MIIP: variants seen among roughly 807,000 people sequenced by gnomAD.
MIIP encodes migration and invasion inhibitory protein.
In MIIP, 44 loss-of-function variants were observed where a neutral mutation model predicts 44.8. The ratio of observed to expected loss-of-function variants is 0.98; its 90% CI spans 0.77 to 1.26. The LOEUF (loss-of-function observed/expected upper bound fraction) is 1.26, where lower values mean the gene tolerates loss of function less well. MIIP is among the 50% of genes most tolerant of loss of function. The probability of loss-of-function intolerance (pLI) is 0.00; values close to 1 mark genes in which losing one functional copy is unlikely to be tolerated. For synonymous variants in MIIP, 225 were observed against 218.3 expected (o/e 1.03, Z -0.27); for missense variants, 496 against 511.7 (o/e 0.97, Z 0.30).
At chr1:12,029,186 C>CCATCCCCCGGCCTGCT in intron 5 of MIIP, 37 bp from the exon 6 acceptor site, 2 of 1,613,452 alleles carry the variant, frequency 1.2e-6, no homozygotes, top group Non-Finnish European at 1.7e-6. Flanking sequence ...CTGAGCGGCT[C>CCATCCCCCGGCCTGCT]CATCCCCCGG....
Position 12,021,634 on chromosome 1 carries a change from C to G in MIIP, c.-82-11C>G. ...CCTACTGAGCCCCGTGTCCTGCTGT[C>G]TTGACTTCAGGTAGAAGAGCTGGGC... On this transcript the variant is annotated splice_polypyrimidine_tract_variant and intron_variant, in intron 1 of 9. Transcript: ENST00000235332. 2 of 1,147,556 alleles carry G rather than the reference C, an allele frequency of 1.7e-6. No individual in the cohort carries two copies. The highest frequency in any genetic ancestry group is 2.5e-6 in the Non-Finnish European group (2 of 786,524). 71.1% of individuals were successfully genotyped at this position (1,147,556 alleles called of 1,614,324 possible). A position where few individuals can be genotyped will look rare whatever the true frequency, so the allele number is the denominator to read the frequency against.
intron 3 of MIIP, 35 bp downstream of exon 3, chr1:12,022,477 G>A: frequency 6.9e-7 from 1 of 1,454,286 alleles, no homozygotes; most frequent in East Asian, 2.5e-5. Flanking sequence ...GCTGATGGGA[G>A]GAGCTTCCTT....
chr1:12,027,371 T>G (rs1640125304), intron 4 of MIIP, among the ~76,000 whole-genome samples: 1 of 152,216 alleles, frequency 6.6e-6, no homozygotes, highest in South Asian at 2.1e-4. Context: ...GGCCCTCAGT[T>G]GGGTCATCAG....
chr1:12,030,203 G>A, intron 8 of MIIP, 79 bp downstream of exon 8: 1 of 1,393,718 alleles, frequency 7.2e-7, no homozygotes, highest in East Asian at 2.3e-5. Flanking sequence ...GAGGGTCACA[G>A]AGCGAGACTG....
chr1:12,029,534 TGCTGGTGGGACTCCATCCCAGCTCCTGA>T, intron 6 of MIIP: 1 of 691,060 alleles, frequency 1.4e-6, no homozygotes, highest in Non-Finnish European at 2.4e-6. Context: ...AGTGCCCCTG[TGCTGGTGGGACTCCATCCCAGCTCCTGA>T]GGGCCCCAGG....
Position 12,031,249 on chromosome 1 carries a change from C to T in MIIP, c.943-17C>T, listed in dbSNP as rs758019918. 2.5e-6 allele frequency: 4 copies of T among 1,610,384 alleles called. No individual in the cohort carries two copies. The highest frequency in any genetic ancestry group is 1.1e-5 in the South Asian group (1 of 90,540). On this transcript the variant is annotated splice_polypyrimidine_tract_variant and intron_variant, in intron 8 of 9. Coordinates refer to ENST00000235332, the MANE Select transcript of MIIP (RefSeq NM_021933.4). ...CTTGTCCCAGGTCAGGCACTTTTAACTCCTTGCCTTCCACAGCACTGCCTG... is the reference window on the plus strand; with the variant it reads ...CTTGTCCCAGGTCAGGCACTTTTAATTCCTTGCCTTCCACAGCACTGCCTG...
intron 5 of MIIP, 31 bp from the exon 6 acceptor site, chr1:12,029,192 C>T (rs763541031): frequency 8.7e-6 from 14 of 1,613,438 alleles, no homozygotes; most frequent in Non-Finnish European, 1.2e-5. Flanking sequence ...GGCTCCATCC[C>T]CCGGCCTGCT....
At chr1:12,031,132 T>C in intron 8 of MIIP, 134 bp from the exon 9 acceptor site, 1 of 1,096,004 alleles carries the variant, frequency 9.1e-7, no homozygotes, top group Non-Finnish European at 1.3e-6. Flanking sequence ...GGTAGTCTTG[T>C]GGGTAGACAC....
At chr1:12,028,632 T>A in intron 4 of MIIP, 1 of 175,624 alleles carries the variant, frequency 5.7e-6, no homozygotes, top group Admixed American at 5.6e-5. Context: ...GACGCTGCTC[T>A]CTTGCTTTCT....
intron 4 of MIIP, among the ~76,000 whole-genome samples, chr1:12,027,077 C>A (rs1468560906): frequency 6.9e-6 from 1 of 145,294 alleles, no homozygotes; most frequent in Non-Finnish European, 1.5e-5. Context: ...GCAGTGATCT[C>A]AGCTCACTGC....
intron 1 of MIIP, among the ~76,000 whole-genome samples, chr1:12,021,400 A>C (rs1027148876): frequency 3.3e-5 from 5 of 152,056 alleles, no homozygotes; most frequent in African/African-American, 1.2e-4. Context: ...TCTCAAAAAA[A>C]AAAAACAAAA....
chr1:12,021,630 C>A lies in MIIP; in HGVS notation c.-82-15C>A. ...GCACCCTACTGAGCCCCGTGTCCTG[C>A]TGTCTTGACTTCAGGTAGAAGAGCT... On this transcript the variant is annotated splice_polypyrimidine_tract_variant and intron_variant, in intron 1 of 9. Coordinates refer to ENST00000235332, the MANE Select transcript of MIIP (RefSeq NM_021933.4). The A allele has an allele frequency of 9.4e-7, 1 of 1,061,790 alleles. No individual in the cohort carries two copies. Among genetic ancestry groups the A allele is most frequent in the Non-Finnish European group, 1.4e-6 (1 of 710,734 alleles). 65.8% of individuals were successfully genotyped at this position (1,061,790 alleles called of 1,614,324 possible).
At chr1:12,023,956 T>A (rs1223184490) in intron 4 of MIIP, 1 of 152,124 alleles carries the variant, frequency 6.6e-6, no homozygotes, top group Non-Finnish European at 1.5e-5. Flanking sequence ...ATTGCACCAC[T>A]GCACTCCAGC....
At chr1:12,023,047 G>C in intron 4 of MIIP, 130 bp downstream of exon 4, 1 of 641,128 alleles carries the variant, frequency 1.6e-6, no homozygotes. Context: ...CATCCTCCGT[G>C]GGGAGCACCC....
At chr1:12,029,488 G>T in intron 6 of MIIP, 1 of 703,138 alleles carries the variant, frequency 1.4e-6, no homozygotes, top group Non-Finnish European at 2.3e-6. Flanking sequence ...CCGAATTAGG[G>T]GCTGCCCTGT....
chr1:12,023,226 G>A (rs1279332094), intron 4 of MIIP, among the ~76,000 whole-genome samples: 1 of 151,200 alleles, frequency 6.6e-6, no homozygotes, highest in Non-Finnish European at 1.5e-5. Flanking sequence ...ACCACGCCCG[G>A]CTAATTTTTG....
rs566680223 is a variant in MIIP at position 12,023,539 on chromosome 1, G to A, written c.547+622G>A. On this transcript the variant is annotated intron_variant, in intron 4 of 9. Transcript: ENST00000235332. ...CTGCCTCAGCCTCCCGAGTAGCTGG[G>A]ACTACAGGTGCCTGCCACCACGCCT... Among the ~76,000 whole-genome samples the A allele has an allele frequency of 3.0e-3, 458 of 151,802 alleles. 3 individuals are homozygous for A. The highest frequency in any genetic ancestry group is 4.3e-3 in the Non-Finnish European group (289 of 67,902).
Position 12,029,833 on chromosome 1 carries a change from C to A in MIIP, c.784C>A (p.Leu262Met), listed in dbSNP as rs1032346352. 2 of 1,613,244 alleles carry A rather than the reference C, an allele frequency of 1.2e-6. No homozygotes were observed. Among genetic ancestry groups the A allele is most frequent in the Non-Finnish European group, 1.7e-6 (2 of 1,179,696 alleles). ...TGTGGATCCCGGTACCCCCTGCCGC[C>A]TGTGCAGGACACCGCGAGACCAGCA... is the stretch of plus-strand genomic sequence containing the variant. ...VPVDPGTPCR[L>M]CRTPRDQQGP... is the part of the protein sequence containing the mutation. Residue 262 changes from leucine to methionine, a missense_variant, in exon 7 of 10, where the codon CTG becomes ATG. By Grantham distance (15) the Leu-to-Met change is conservative (BLOSUM62 2). Transcript: ENST00000235332.
At position 12,029,805 on chromosome 1, in the gene MIIP, GCCTGTGGATCCCGGTA is replaced by G; in HGVS notation, c.759_774del (p.Val254ProfsTer25). 2 of 1,613,390 alleles carry G rather than the reference GCCTGTGGATCCCGGTA, an allele frequency of 1.2e-6. No individual in the cohort carries two copies. Among genetic ancestry groups the G allele is most frequent in the Non-Finnish European group, 8.5e-7 (1 of 1,179,648 alleles). On this transcript the variant is annotated frameshift_variant, in exon 7 of 10. Coordinates refer to ENST00000235332, the MANE Select transcript of MIIP (RefSeq NM_021933.4). LOFTEE classifies it high-confidence loss of function. Reference sequence around the variant, plus strand: ...GTGTCAACCGGCGCCTGTTCCCGGTGCCTGTGGATCCCGGTACCCCCTGCCGCCTGTGCAGGACACC... The same window carrying G: ...GTGTCAACCGGCGCCTGTTCCCGGTGCCCCCTGCCGCCTGTGCAGGACACC...
Sources: allele counts gnomAD v4.1 joint callset (sites outside exome capture counted in the v4.1 genomes callset), GRCh38; gene constraint gnomAD v4.1.1; transcripts MANE v1.5; gene names NCBI Gene and HGNC (gene_info 2026-07-23, HGNC 2026-07-21).